Variants in HEATR3 observed in about 807,000 individuals in gnomAD.
The protein encoded by HEATR3 is HEAT repeat containing 3.
HEATR3 carries 56 observed loss-of-function variants against 72.8 expected under a neutral mutation model. The observed-to-expected ratio is 0.77, with a 90% confidence interval of 0.62 to 0.96. The LOEUF (loss-of-function observed/expected upper bound fraction) is 0.96, where lower values mean the gene tolerates loss of function less well. Among genes scored for constraint, HEATR3 ranks in the 40% least tolerant of loss-of-function variants. HEATR3 has a pLI of 0.00. For missense variants in HEATR3, 747 were observed against 831.4 expected (o/e 0.90, Z 1.25); for synonymous variants, 331 against 318.1 (o/e 1.04, Z -0.43).
At chr16:50,082,093 G>A (rs1400985514) in intron 7 of HEATR3, among the ~76,000 whole-genome samples, 1 of 152,154 alleles carries the variant, frequency 6.6e-6, no homozygotes, top group Non-Finnish European at 1.5e-5. Flanking sequence ...TGTAATCCCA[G>A]CACTTGGGGA....
At chr16:50,080,880 T>A (rs1339428205) in intron 7 of HEATR3, among the ~76,000 whole-genome samples, 1 of 152,156 alleles carries the variant, frequency 6.6e-6, no homozygotes, top group Non-Finnish European at 1.5e-5. Flanking sequence ...CTATCTGATA[T>A]ACTGTGTTTG....
chr16:50,066,253 C>G lies in HEATR3; in HGVS notation c.122C>G (p.Ala41Gly). Reference sequence around the variant, plus strand: ...GGCGAGGAGGACGACGGGCCGGCGGCGGAGCTGCTGGAAAAGGTGAGGCGA... The same window carrying G: ...GGCGAGGAGGACGACGGGCCGGCGGGGGAGCTGCTGGAAAAGGTGAGGCGA... ...TGGEEDDGPA[A>G]ELLEKLQHPS... Residue 41 changes from alanine to glycine, a missense_variant, in exon 1 of 15, where the codon GCG becomes GGG. Physicochemically the swap from Ala to Gly is moderately conservative, Grantham distance 60. Around this residue, in one of 2 missense-constraint regions of HEATR3, gnomAD observed 161 missense variants for 122.6 expected, o/e 1.31. Coordinates refer to ENST00000299192, the MANE Select transcript of HEATR3 (RefSeq NM_182922.4). The G allele has an allele frequency of 6.4e-7, 1 of 1,562,676 alleles. No homozygotes were observed. Among genetic ancestry groups the G allele is most frequent in the Non-Finnish European group, 8.6e-7 (1 of 1,157,006 alleles).
chr16:50,077,076 G>A (rs957469687), intron 6 of HEATR3, among the ~76,000 whole-genome samples: 2 of 151,858 alleles, frequency 1.3e-5, no homozygotes, highest in South Asian at 2.1e-4. Context: ...GGGTTTCACT[G>A]TGTTAGCCAG....
chr16:50,095,249 G>A (rs983889040), intron 12 of HEATR3, among the ~76,000 whole-genome samples: 2 of 151,958 alleles, frequency 1.3e-5, no homozygotes, highest in East Asian at 3.9e-4. Context: ...AAGTAAATGG[G>A]ATTACAGGCA....
Position 50,072,684 on chromosome 16 carries a change from C to T in HEATR3, c.592C>T (p.Pro198Ser), listed in dbSNP as rs764222969. The change falls in exon 5 of 15, where the codon CCT (proline) becomes TCT (serine). Residue 198 changes from proline (P) to serine (S), a missense_variant. By Grantham distance (74) the Pro-to-Ser change is moderately conservative (BLOSUM62 -1). Transcript: ENST00000299192. ...EIVLKYLSRF[P>S]TNVDLAISVA... ...TGTGTTAAAGTATTTAAGTAGGTTT[C>T]CTACCAATGTTGACCTGGCTATTTC... 6 of 1,599,518 alleles carry T rather than the reference C, an allele frequency of 3.8e-6. No individual in the cohort carries two copies. The East Asian group carries it at 1.3e-4, about 36-fold the overall frequency.
intron 4 of HEATR3, among the ~76,000 whole-genome samples, chr16:50,072,141 A>T (rs2036625839): frequency 6.6e-6 from 1 of 152,182 alleles, no homozygotes; most frequent in South Asian, 2.1e-4. Flanking sequence ...GAGGCCTTTT[A>T]TCCTCCTTTA....
chr16:50,107,221 C>T lies in HEATR3; in HGVS notation c.*2160C>T, dbSNP rs1417365884. ...TTTAGCACAGGACCTAGTATATAGT[C>T]GACTCTTCATAAATATTTGTTGAGT... On this transcript the variant is annotated 3_prime_UTR_variant, in exon 15 of 15. Transcript: ENST00000299192. 6.6e-6 allele frequency among the ~76,000 whole-genome samples: 1 copy of T among 152,156 alleles called. No homozygotes were observed. The highest frequency in any genetic ancestry group is 1.5e-5 in the Non-Finnish European group (1 of 68,030).
At chr16:50,074,610 G>C (rs1438329683) in intron 5 of HEATR3, 1 of 152,304 alleles carries the variant, frequency 6.6e-6, no homozygotes, top group African/African-American at 2.4e-5. Context: ...AAAGTGCTGG[G>C]ATTACGGGCA....
intron 11 of HEATR3, among the ~76,000 whole-genome samples, chr16:50,089,520 C>T (rs1037198134): frequency 2.0e-5 from 3 of 152,020 alleles, no homozygotes; most frequent in Admixed American, 6.6e-5. Context: ...CTGTGGCCTT[C>T]GTATCACCTA....
chr16:50,096,354 G>A (rs12926652), intron 12 of HEATR3, among the ~76,000 whole-genome samples: 46 of 143,054 alleles, frequency 3.2e-4, no homozygotes, highest in Middle Eastern at 7.1e-3. Context: ...AACAGAAAAA[G>A]AAAAAAACGT....
At chr16:50,066,810 C>G (rs1244297912) in intron 2 of HEATR3, 1 of 364,986 alleles carries the variant, frequency 2.7e-6, no homozygotes, top group Non-Finnish European at 4.9e-6. Flanking sequence ...CTCCAAAAGC[C>G]CTCCTTAGGG....
chr16:50,103,146 C>T (rs1215514068), intron 14 of HEATR3, among the ~76,000 whole-genome samples: 3 of 152,148 alleles, frequency 2.0e-5, no homozygotes, highest in Non-Finnish European at 4.4e-5. Flanking sequence ...TATTTCCCTG[C>T]AGCTTCAAGG....
intron 7 of HEATR3, 105 bp from the exon 8 acceptor site, chr16:50,083,832 T>C (rs561699494): frequency 1.0e-6 from 1 of 965,144 alleles, no homozygotes; most frequent in East Asian, 2.5e-5. Context: ...GTGTGCTCTA[T>C]TCCAAGCGCA....
chr16:50,084,278 T>C lies in HEATR3; in HGVS notation c.1277T>C (p.Leu426Pro). ...HEVHTALTNYLIPKKIFEKTA... is the reference protein window; with the variant it reads ...HEVHTALTNYPIPKKIFEKTA... ...GTTCACACGGCTCTCACCAACTACC[T>C]CATCCCAAAGAAGGTAATCCATTTT... The change falls in exon 9 of 15, where the codon CTC becomes CCC. Residue 426 changes from leucine (L) to proline (P), a missense_variant. Leu to Pro is a moderately conservative substitution (Grantham distance 98). Around this residue, in one of 2 missense-constraint regions of HEATR3, gnomAD observed 586 missense variants for 708.8 expected, o/e 0.83. Transcript: ENST00000299192. 1 of 1,613,720 alleles carries C rather than the reference T, an allele frequency of 6.2e-7. No homozygotes were observed. The highest frequency in any genetic ancestry group is 2.2e-5 in the East Asian group (1 of 44,872).
chr16:50,075,313 CA>C lies in HEATR3; in HGVS notation c.623-241del, dbSNP rs60094512. On this transcript the variant is annotated intron_variant, in intron 5 of 14. Coordinates refer to ENST00000299192, the MANE Select transcript of HEATR3 (RefSeq NM_182922.4). ...CCTGGGTGACAGAGCAAGACTGTCT[CA>C]AAAAAAAAAAAAAAAAGTATAGATC... is the stretch of plus-strand genomic sequence containing the variant. Among the ~76,000 whole-genome samples the C allele has an allele frequency of 7.5e-4, 91 of 121,124 alleles. 1 individual carries two copies. The highest frequency in any genetic ancestry group is 2.1e-3 in the African/African-American group (65 of 31,104). The allele number at this position is 121,124 out of a possible 152,430, so 79.5% of individuals were successfully genotyped here. A position where few individuals can be genotyped will look rare whatever the true frequency, so the allele number is the denominator to read the frequency against.
intron 9 of HEATR3, 32 bp downstream of exon 9, chr16:50,084,323 A>T (rs2036940359): frequency 6.2e-7 from 1 of 1,602,122 alleles, no homozygotes; most frequent in African/African-American, 1.3e-5. Context: ...CTTACCGTGG[A>T]GCATGGGAAA....
intron 7 of HEATR3, among the ~76,000 whole-genome samples, chr16:50,082,634 C>T (rs142565389): frequency 2.5e-4 from 37 of 149,944 alleles, no homozygotes; most frequent in African/African-American, 8.8e-4. Context: ...ACAAAGAAGC[C>T]ACTGGGGCTG....
At chr16:50,076,890 ACTGAGTCTCGCTCTG>A (rs1305640100) in intron 6 of HEATR3, among the ~76,000 whole-genome samples, 6 of 118,012 alleles carry the variant, frequency 5.1e-5, no homozygotes, top group Admixed American at 1.9e-4. Flanking sequence ...TTTTTTGGAG[ACTGAGTCTCGCTCTG>A]CCGCCCAGGC....
chr16:50,068,679 TG>T, intron 2 of HEATR3, 100 bp from the exon 3 acceptor site: 2 of 890,348 alleles, frequency 2.2e-6, no homozygotes, highest in Non-Finnish European at 3.6e-6. Context: ...CTATTTCCTC[TG>T]GGAAACCTTA....
Sources: gnomAD v4.1 joint callset for allele counts (sites outside exome capture counted in the v4.1 genomes callset) on GRCh38, gnomAD v4.1.1 for gene constraint, gnomAD v4.1.1 regional missense constraint, MANE v1.5 for transcripts, NCBI Gene and HGNC (gene_info 2026-07-23, HGNC 2026-07-21) for gene names.